Variants in DPP4 observed in about 807,000 individuals in gnomAD.
The protein encoded by DPP4 is dipeptidyl peptidase 4.
DPP4 carries 93 observed loss-of-function variants against 122.4 expected under a neutral mutation model. The ratio of observed to expected loss-of-function variants is 0.76; its 90% CI spans 0.64 to 0.90. The LOEUF is 0.90. Ranked by LOEUF, DPP4 falls within the 40% of genes least tolerant of loss-of-function variation. The probability of loss-of-function intolerance (pLI) is 0.00; values close to 1 mark genes in which losing one functional copy is unlikely to be tolerated. For synonymous variants in DPP4, 321 were observed against 302.9 expected (o/e 1.06, Z -0.62); for missense variants, 914 against 907.3 (o/e 1.01, Z -0.09).
chr2:162,004,053 G>T (rs1701220254), intron 23 of DPP4, among the ~76,000 whole-genome samples: 2 of 152,138 alleles, frequency 1.3e-5, no homozygotes, highest in Non-Finnish European at 2.9e-5. Context: ...GGAAGGAGCA[G>T]AGGGCAAAGG....
At position 162,054,229 on chromosome 2, in the gene DPP4, C is replaced by T. The variant is rs2106144559; in HGVS notation, c.95-6728G>A. 1.3e-5 allele frequency among the ~76,000 whole-genome samples: 2 copies of T among 152,344 alleles called. 1 individual carries two copies. Among genetic ancestry groups the T allele is most frequent in the South Asian group, 4.1e-4 (2 of 4,822 alleles). Reference sequence around the variant, plus strand: ...TTGGAATGGAAATATCTATCCTAGGCCTACCCCACCATTGTATTTTGGAAG... The same window carrying T: ...TTGGAATGGAAATATCTATCCTAGGTCTACCCCACCATTGTATTTTGGAAG... On this transcript the variant is annotated intron_variant, in intron 2 of 25. Coordinates refer to ENST00000360534, the MANE Select transcript of DPP4 (RefSeq NM_001935.4).
intron 9 of DPP4, among the ~76,000 whole-genome samples, chr2:162,034,351 C>G (rs528812234): frequency 6.6e-6 from 1 of 152,246 alleles, no homozygotes; most frequent in African/African-American, 2.4e-5. Context: ...TAACATTCCA[C>G]TGAAAACACA....
In DPP4 at chr2:162,009,513, T is replaced by TTGTGTGTGTGTGTG. The variant is rs57878632; in HGVS notation, c.1833-232_1833-219dup. Among the ~76,000 whole-genome samples, 44 of 144,382 alleles carry TTGTGTGTGTGTGTG rather than the reference T, an allele frequency of 3.0e-4. 1 individual carries two copies. The highest frequency in any genetic ancestry group is 7.9e-4 in the African/African-American group (31 of 39,474). 94.7% of individuals were successfully genotyped at this position (144,382 alleles called of 152,430 possible). On this transcript the variant is annotated intron_variant, in intron 20 of 25. Coordinates refer to ENST00000360534, the MANE Select transcript of DPP4 (RefSeq NM_001935.4). The stretch of plus-strand genomic sequence containing the variant: ...TTACTTTTGTTGGAGTTCATAAAAA[T>TTGTGTGTGTGTGTG]TGTGTGTGTGTGTGTGTGTGTGTGT...
chr2:162,040,436 C>T (rs1683944013), intron 5 of DPP4, among the ~76,000 whole-genome samples: 1 of 151,968 alleles, frequency 6.6e-6, no homozygotes. Flanking sequence ...ACACATATTG[C>T]TAAGTGAAAT....
At chr2:162,016,713 T>A (rs1314902986) in intron 18 of DPP4, 55 bp downstream of exon 18, 2 of 1,163,358 alleles carry the variant, frequency 1.7e-6, no homozygotes, top group Non-Finnish European at 2.5e-6. Flanking sequence ...ATTACTATAG[T>A]TAGAGTGCAT....
rs200357193 is a variant in DPP4, at chr2:162,035,306, T to C, written c.632A>G (p.Tyr211Cys). ...WVYEEEVFSA[Y>C]SALWWSPNGT... ...GTTTGGAGACCACCACAGAGCAGAGTAGGCACTGAAGACTTCCTCTGAAAA... is the reference window on the plus strand; with the variant it reads ...GTTTGGAGACCACCACAGAGCAGAGCAGGCACTGAAGACTTCCTCTGAAAA... Residue 211 changes from tyrosine to cysteine, a missense_variant, in exon 9 of 26, where the codon TAC becomes TGC. Physicochemically the swap from Tyr to Cys is radical, Grantham distance 194. Transcript: ENST00000360534. The C allele has an allele frequency of 1.4e-5, 23 of 1,612,624 alleles. No homozygotes were observed. In the African/African-American group the frequency reaches 2.9e-4, roughly 21 times the overall value.
intron 5 of DPP4, among the ~76,000 whole-genome samples, chr2:162,041,078 A>C (rs1004623214): frequency 3.3e-5 from 5 of 152,092 alleles, no homozygotes; most frequent in Non-Finnish European, 4.4e-5. Flanking sequence ...TCAGAGTTAT[A>C]TGAACAAGAA....
intron 2 of DPP4, among the ~76,000 whole-genome samples, chr2:162,070,583 C>T (rs146550198): frequency 2.0e-5 from 3 of 152,144 alleles, no homozygotes; most frequent in Admixed American, 2.0e-4. Flanking sequence ...CTTTACATTT[C>T]CTTTCTCCCT....
At chr2:162,022,321 T>C (rs1398896835) in intron 12 of DPP4, among the ~76,000 whole-genome samples, 1 of 152,214 alleles carries the variant, frequency 6.6e-6, no homozygotes, top group Non-Finnish European at 1.5e-5. Context: ...TAGTGGGCAC[T>C]GTGTGGTTGC....
chr2:162,044,139 A>G (rs1684092297), intron 5 of DPP4, among the ~76,000 whole-genome samples: 2 of 152,234 alleles, frequency 1.3e-5, no homozygotes, highest in Admixed American at 1.3e-4. Flanking sequence ...AAGTAAATTA[A>G]GTGAATGTAT....
At position 162,073,992 on chromosome 2, in the gene DPP4, T is replaced by A; in HGVS notation, c.-11A>T. 1 of 1,611,486 alleles carries A rather than the reference T, an allele frequency of 6.2e-7. No homozygotes were observed. The highest frequency in any genetic ancestry group is 1.3e-5 in the African/African-American group (1 of 74,956). ...GGCACTCACCTTCATCGTCGGCGTCTCCTCGGAAGTGAGCGTTCAGAGAAG... is the reference window on the plus strand; with the variant it reads ...GGCACTCACCTTCATCGTCGGCGTCACCTCGGAAGTGAGCGTTCAGAGAAG... On this transcript the variant is annotated 5_prime_UTR_variant, in exon 1 of 26. Coordinates refer to ENST00000360534, the MANE Select transcript of DPP4 (RefSeq NM_001935.4).
intron 2 of DPP4, among the ~76,000 whole-genome samples, chr2:162,058,606 C>G (rs533234965): frequency 1.3e-5 from 2 of 152,126 alleles, no homozygotes; most frequent in African/African-American, 4.8e-5. Flanking sequence ...GACATTATAA[C>G]GAAAGTATTT....
At chr2:162,065,068 A>T (rs1684904963) in intron 2 of DPP4, among the ~76,000 whole-genome samples, 1 of 152,170 alleles carries the variant, frequency 6.6e-6, no homozygotes, top group Admixed American at 6.5e-5. Context: ...TTCTCCTTCC[A>T]TGTGCTAGCA....
chr2:162,049,238 T>A (rs929509628), intron 2 of DPP4, among the ~76,000 whole-genome samples: 1 of 152,202 alleles, frequency 6.6e-6, no homozygotes, highest in African/African-American at 2.4e-5. Flanking sequence ...TCAAACAATG[T>A]TCTTAAGATT....
intron 4 of DPP4, among the ~76,000 whole-genome samples, chr2:162,046,528 G>T (rs1050374517): frequency 4.6e-5 from 7 of 152,142 alleles, no homozygotes; most frequent in Non-Finnish European, 7.3e-5. Flanking sequence ...GAACCAGCAG[G>T]CTACTAGAAA....
chr2:162,014,530 A>G, intron 18 of DPP4, 65 bp from the exon 19 acceptor site: 1 of 1,229,704 alleles, frequency 8.1e-7, no homozygotes. Context: ...TTTGTTCCTC[A>G]TGTCCGTCAG....
chr2:162,043,861 C>A (rs1312778481), intron 5 of DPP4, among the ~76,000 whole-genome samples: 1 of 152,026 alleles, frequency 6.6e-6, no homozygotes, highest in East Asian at 1.9e-4. Context: ...GACCCTATTT[C>A]TAAGAAAAAA....
At position 162,045,933 on chromosome 2, in the gene DPP4, A is replaced by T. The variant is rs534897194; in HGVS notation, c.286-321T>A. Among the ~76,000 whole-genome samples, 3 of 152,310 alleles carry T rather than the reference A, an allele frequency of 2.0e-5. No homozygotes were observed. The South Asian group carries it at 6.2e-4, about 32-fold the overall frequency. On this transcript the variant is annotated intron_variant, in intron 4 of 25. Transcript: ENST00000360534. The stretch of plus-strand genomic sequence containing the variant: ...CATGGGAAAGGACGTGGATGTTTAG[A>T]GACTCTTTAAGGGTCATGTGTAACC...
intron 2 of DPP4, among the ~76,000 whole-genome samples, chr2:162,061,583 G>A (rs890608365): frequency 1.3e-5 from 2 of 152,022 alleles, no homozygotes; most frequent in African/African-American, 2.4e-5. Flanking sequence ...TTTTCAAACA[G>A]TTGCTAGCAC....
Sources: allele counts gnomAD v4.1 joint callset (sites outside exome capture counted in the v4.1 genomes callset), GRCh38; gene constraint gnomAD v4.1.1; transcripts MANE v1.5; gene names NCBI Gene and HGNC (gene_info 2026-07-23, HGNC 2026-07-21).